RAB3C: variants seen among roughly 807,000 people sequenced by gnomAD.
RAB3C encodes ras-related protein Rab-3C.
Under a neutral mutation model 26.4 loss-of-function variants are expected in RAB3C, and 17 were observed. The ratio of observed to expected loss-of-function variants is 0.64; its 90% confidence interval spans 0.44 to 0.97. The LOEUF is 0.97. Among genes scored for constraint, RAB3C ranks in the 50% least tolerant of loss-of-function variants. The pLI, the probability that RAB3C is intolerant of heterozygous loss-of-function variation, is 0.00. For synonymous variants in RAB3C, 91 were observed against 95.9 expected, an observed-to-expected ratio of 0.95 and a Z score of 0.30; for missense variants, 242 against 281.9, an observed-to-expected ratio of 0.86 and a Z score of 1.01.
chr5:58,732,646 G>T (rs1431728557), intron 3 of RAB3C, among the ~76,000 whole-genome samples: 1 of 152,104 alleles, frequency 6.6e-6, no homozygotes. Flanking sequence ...TCAAGGGAAT[G>T]AATGGATTAC....
At chr5:58,684,792 G>A (rs1748411735) in intron 2 of RAB3C, among the ~76,000 whole-genome samples, 1 of 152,144 alleles carries the variant, frequency 6.6e-6, no homozygotes, top group Non-Finnish European at 1.5e-5. Flanking sequence ...ACCAGGAGTT[G>A]CAATCCTACT....
At chr5:58,649,703 C>T (rs1210836088) in intron 2 of RAB3C, among the ~76,000 whole-genome samples, 5 of 152,126 alleles carry the variant, frequency 3.3e-5, no homozygotes, top group South Asian at 2.1e-4. Context: ...TCCCTGCTTA[C>T]GATTTCCCTC....
intron 1 of RAB3C, among the ~76,000 whole-genome samples, chr5:58,586,307 A>T (rs1220790147): frequency 6.6e-6 from 1 of 151,954 alleles, no homozygotes; most frequent in Non-Finnish European, 1.5e-5. Context: ...ATAGAGTAAA[A>T]TTTCCGCCAG....
intron 2 of RAB3C, among the ~76,000 whole-genome samples, chr5:58,639,155 CA>C (rs1384347110): frequency 6.6e-6 from 1 of 152,122 alleles, no homozygotes; most frequent in African/African-American, 2.4e-5. Flanking sequence ...GTATGCTTTT[CA>C]GATAATAGCT....
At chr5:58,810,137 G>T (rs295653) in intron 3 of RAB3C, among the ~76,000 whole-genome samples, 66,052 of 151,914 alleles carry the variant, frequency 0.43, 16,203 homozygotes, top group Middle Eastern at 0.65. Flanking sequence ...AACACTCAAA[G>T]CTTCACCCCT....
rs142780895 is a variant in RAB3C, at chr5:58,617,785, C to T, written c.167C>T (p.Thr56Ile). The T allele has an allele frequency of 6.2e-7, 1 of 1,613,802 alleles. No individual in the cohort carries two copies. The highest frequency in any genetic ancestry group is 8.5e-7 in the Non-Finnish European group (1 of 1,179,820). The stretch of plus-strand genomic sequence containing the variant: ...TTCCGTTATGCAGATGACTCCTTTA[C>T]ATCTGCATTCGTCAGCACAGTTGGG... ...FLFRYADDSFTSAFVSTVGID... is the reference protein window; with the variant it reads ...FLFRYADDSFISAFVSTVGID... Residue 56 changes from threonine to isoleucine, a missense_variant, in exon 2 of 5, where the codon ACA (threonine) becomes ATA (isoleucine). Physicochemically the swap from Thr to Ile is moderately conservative, Grantham distance 89. Transcript: ENST00000282878.
At chr5:58,804,822 T>C (rs60276279) in intron 3 of RAB3C, among the ~76,000 whole-genome samples, 8,525 of 152,030 alleles carry the variant, frequency 0.056, 676 homozygotes, top group African/African-American at 0.17. Flanking sequence ...ATGAGAAACA[T>C]AAAATAAAAA....
At chr5:58,782,887 T>C (rs1333912439) in intron 3 of RAB3C, among the ~76,000 whole-genome samples, 1 of 152,100 alleles carries the variant, frequency 6.6e-6, no homozygotes, top group Non-Finnish European at 1.5e-5. Flanking sequence ...ATTTAAAATA[T>C]GAAGGCTTTT....
chr5:58,636,264 T>G (rs1747287551), intron 2 of RAB3C, among the ~76,000 whole-genome samples: 1 of 152,240 alleles, frequency 6.6e-6, no homozygotes, highest in Non-Finnish European at 1.5e-5. Context: ...CCTGTTCTTC[T>G]ATCCCAGCTC....
intron 1 of RAB3C, among the ~76,000 whole-genome samples, chr5:58,597,224 A>G (rs563244132): frequency 0.013 from 1,531 of 120,340 alleles, 37 homozygotes; most frequent in Non-Finnish European, 0.019. Context: ...ATATTATATA[A>G]TATATACTAC....
chr5:58,836,844 G>A (rs1469051434), intron 4 of RAB3C, among the ~76,000 whole-genome samples: 1 of 152,116 alleles, frequency 6.6e-6, no homozygotes, highest in African/African-American at 2.4e-5. Context: ...ATAAGCACGG[G>A]GGTGCAGATG....
intron 4 of RAB3C, among the ~76,000 whole-genome samples, chr5:58,848,077 G>A (rs989008975): frequency 1.2e-4 from 18 of 152,044 alleles, no homozygotes; most frequent in Non-Finnish European, 2.5e-4. Flanking sequence ...GGCTGGTCTC[G>A]AACTCCTGAC....
At chr5:58,802,801 C>T (rs1229307679) in intron 3 of RAB3C, among the ~76,000 whole-genome samples, 2 of 152,194 alleles carry the variant, frequency 1.3e-5, no homozygotes, top group African/African-American at 4.8e-5. Flanking sequence ...GGCTAAATGA[C>T]ACAAGACATT....
At chr5:58,601,658 A>G (rs1333914932) in intron 1 of RAB3C, among the ~76,000 whole-genome samples, 1 of 151,824 alleles carries the variant, frequency 6.6e-6, no homozygotes, top group Non-Finnish European at 1.5e-5. Flanking sequence ...GCCTTGACTG[A>G]TCTTTTGTAT....
At chr5:58,750,867 C>A (rs1741507090) in intron 3 of RAB3C, among the ~76,000 whole-genome samples, 1 of 151,714 alleles carries the variant, frequency 6.6e-6, no homozygotes, top group Non-Finnish European at 1.5e-5. Flanking sequence ...TCCTTTTATT[C>A]ATTTTGAGAT....
intron 3 of RAB3C, among the ~76,000 whole-genome samples, chr5:58,727,217 A>C (rs1485255614): frequency 1.3e-5 from 2 of 151,774 alleles, no homozygotes; most frequent in African/African-American, 2.4e-5. Flanking sequence ...AAATATTTCC[A>C]TTTGCTTTTG....
chr5:58,655,168 C>G (rs1408513556), intron 2 of RAB3C, among the ~76,000 whole-genome samples: 1 of 152,160 alleles, frequency 6.6e-6, no homozygotes, highest in Non-Finnish European at 1.5e-5. Context: ...CCATCTACAA[C>G]TTAAGTTCTC....
intron 3 of RAB3C, among the ~76,000 whole-genome samples, chr5:58,776,148 GC>G (rs537624290): frequency 3.0e-4 from 45 of 152,152 alleles, no homozygotes; most frequent in Middle Eastern, 3.4e-3. Flanking sequence ...GTTTCCTGGA[GC>G]AGATAGGTCC....
intron 2 of RAB3C, among the ~76,000 whole-genome samples, chr5:58,693,521 A>G (rs1748623429): frequency 6.6e-6 from 1 of 151,856 alleles, no homozygotes; most frequent in Admixed American, 6.6e-5. Context: ...AAATGTAACA[A>G]AACACTGCAA....
Sources: allele counts gnomAD v4.1 joint callset (sites outside exome capture counted in the v4.1 genomes callset), GRCh38; gene constraint gnomAD v4.1.1; transcripts MANE v1.5; gene names NCBI Gene and HGNC (gene_info 2026-07-23, HGNC 2026-07-21).